Variants in EPC2 observed in about 807,000 individuals in gnomAD.
EPC2 encodes the protein enhancer of polycomb 2, also known as enhancer of polycomb homolog 2.
Under a neutral mutation model 92.1 loss-of-function variants are expected in EPC2, and 14 were observed. The ratio of observed to expected loss-of-function variants is 0.15; its 90% CI spans 0.10 to 0.24. The LOEUF (loss-of-function observed/expected upper bound fraction) is 0.24. Among genes scored for constraint, EPC2 ranks in the 10% least tolerant of loss-of-function variants. The pLI is 1.00. For missense variants in EPC2, 755 were observed against 971.5 expected (o/e 0.78, Z 2.96); for synonymous variants, 340 against 334.7 (o/e 1.02, Z -0.17).
intron 1 of EPC2, among the ~76,000 whole-genome samples, chr2:148,653,617 T>C (rs1241131791): frequency 6.6e-6 from 1 of 152,220 alleles, no homozygotes; most frequent in Admixed American, 6.5e-5. Flanking sequence ...TAAGCAGCTG[T>C]TGCTATAAAG....
chr2:148,696,387 C>A (rs1440322207), intron 2 of EPC2, among the ~76,000 whole-genome samples: 2 of 152,068 alleles, frequency 1.3e-5, no homozygotes, highest in African/African-American at 4.8e-5. Flanking sequence ...AGGAGAACGC[C>A]CCTTCAGGCT....
At chr2:148,757,947 A>G (rs1437752074) in intron 4 of EPC2, among the ~76,000 whole-genome samples, 4 of 152,214 alleles carry the variant, frequency 2.6e-5, no homozygotes, top group Admixed American at 6.5e-5. Flanking sequence ...TTCCAGGTGT[A>G]GGGCTGGAAT....
At chr2:148,726,250 T>G (rs915011674) in intron 2 of EPC2, among the ~76,000 whole-genome samples, 7 of 152,220 alleles carry the variant, frequency 4.6e-5, no homozygotes, top group African/African-American at 1.7e-4. Flanking sequence ...AATGCTGTAA[T>G]GAACATGGAT....
chr2:148,664,089 T>C (rs986054543), intron 1 of EPC2, among the ~76,000 whole-genome samples: 2 of 152,222 alleles, frequency 1.3e-5, no homozygotes, highest in Non-Finnish European at 2.9e-5. Flanking sequence ...TCTCTTACTC[T>C]TAGTATAGGC....
At chr2:148,726,694 CT>C (rs1682501632) in intron 2 of EPC2, among the ~76,000 whole-genome samples, 1 of 140,374 alleles carries the variant, frequency 7.1e-6, no homozygotes, top group Non-Finnish European at 1.5e-5. Flanking sequence ...AGACCTGTCT[CT>C]TTAGATCCTT....
At chr2:148,673,839 G>A (rs1681203543) in intron 1 of EPC2, among the ~76,000 whole-genome samples, 2 of 152,148 alleles carry the variant, frequency 1.3e-5, no homozygotes, top group Non-Finnish European at 2.9e-5. Flanking sequence ...GCTGGCCTTG[G>A]CCTCCCAAAG....
intron 4 of EPC2, among the ~76,000 whole-genome samples, chr2:148,755,635 AAC>A (rs1683175709): frequency 6.6e-6 from 1 of 152,234 alleles, no homozygotes; most frequent in Non-Finnish European, 1.5e-5. Flanking sequence ...TCAGTACAGT[AAC>A]ACACTGTACA....
At chr2:148,671,286 GATTTT>G (rs1681148270) in intron 1 of EPC2, among the ~76,000 whole-genome samples, 1 of 130,652 alleles carries the variant, frequency 7.7e-6, no homozygotes, top group East Asian at 2.4e-4. Flanking sequence ...TGTGGATTGT[GATTTT>G]TTTTTTTTTT....
At chr2:148,762,858 A>G in intron 6 of EPC2, 56 bp downstream of exon 6, 1 of 1,517,604 alleles carries the variant, frequency 6.6e-7, no homozygotes, top group Non-Finnish European at 8.8e-7. Context: ...CAGAGGAGTT[A>G]TTGATTTCTG....
intron 1 of EPC2, among the ~76,000 whole-genome samples, chr2:148,683,232 CT>C (rs1681445859): frequency 6.6e-6 from 1 of 151,866 alleles, no homozygotes; most frequent in Non-Finnish European, 1.5e-5. Flanking sequence ...CCTTAATCCC[CT>C]CTCATCCTTC....
intron 1 of EPC2, among the ~76,000 whole-genome samples, chr2:148,684,536 C>T (rs894829497): frequency 1.6e-4 from 24 of 152,174 alleles, no homozygotes; most frequent in Admixed American, 1.2e-3. Context: ...TTCTTCTACA[C>T]GTAACAGTGC....
chr2:148,771,747 A>C (rs1222854754), intron 10 of EPC2, among the ~76,000 whole-genome samples: 2 of 151,716 alleles, frequency 1.3e-5, no homozygotes, highest in Non-Finnish European at 2.9e-5. Flanking sequence ...GCTCCTTGAG[A>C]GTACCTTTGA....
chr2:148,715,429 G>C (rs1217873360), intron 2 of EPC2, among the ~76,000 whole-genome samples: 1 of 152,140 alleles, frequency 6.6e-6, no homozygotes, highest in African/African-American at 2.4e-5. Flanking sequence ...TCCAGTTTCA[G>C]TTTTCTGCAT....
At chr2:148,746,296 C>T (rs896806582) in intron 3 of EPC2, among the ~76,000 whole-genome samples, 1 of 152,064 alleles carries the variant, frequency 6.6e-6, no homozygotes, top group African/African-American at 2.4e-5. Flanking sequence ...GGATGGTCCA[C>T]AGTCCCCTCA....
At chr2:148,749,070 C>G (rs1343338636) in intron 3 of EPC2, among the ~76,000 whole-genome samples, 1 of 152,116 alleles carries the variant, frequency 6.6e-6, no homozygotes, top group East Asian at 1.9e-4. Context: ...TGTACCATAC[C>G]TTTTATAGCT....
At chr2:148,732,168 G>A (rs1291418513) in intron 2 of EPC2, among the ~76,000 whole-genome samples, 1 of 152,118 alleles carries the variant, frequency 6.6e-6, no homozygotes, top group East Asian at 1.9e-4. Context: ...GTGGGAAGGG[G>A]CAAAGAGTTC....
intron 3 of EPC2, among the ~76,000 whole-genome samples, chr2:148,744,989 G>GCCTCCCCCCCC (rs770406917): frequency 2.2e-5 from 1 of 46,296 alleles, no homozygotes; most frequent in Non-Finnish European, 4.9e-5. Flanking sequence ...CTATCAGTTT[G>GCCTCCCCCCCC]CCCCCCCCCC....
rs1173422830 is a variant in EPC2 at position 148,771,072 on chromosome 2, C to A, written c.1405C>A (p.His469Asn). The change falls in exon 10 of 14, where the codon CAT (histidine) becomes AAT (asparagine). Residue 469 changes from histidine to asparagine, a missense_variant. Transcript: ENST00000258484. ...RVIMDRISTE[H>N]DPVLKQIDPE... ...CATAATGGACCGAATATCCACAGAACATGACCCAGTCCTGAAACAGATAGA... is the reference window on the plus strand; with the variant it reads ...CATAATGGACCGAATATCCACAGAAAATGACCCAGTCCTGAAACAGATAGA... The A allele has an allele frequency of 1.2e-6, 2 of 1,610,480 alleles. No individual in the cohort carries two copies. The highest frequency in any genetic ancestry group is 1.3e-5 in the African/African-American group (1 of 74,780).
chr2:148,764,298 T>C lies in EPC2; in HGVS notation c.949-657T>C, dbSNP rs1027539538. On this transcript the variant is annotated intron_variant, in intron 6 of 13. Coordinates refer to ENST00000258484, the MANE Select transcript of EPC2 (RefSeq NM_015630.4). ...CTAGATCCCTTTTTATTAAAAGGAA[T>C]GCCAGTATGTTAAAACAGTAACAGA... 5.3e-5 allele frequency among the ~76,000 whole-genome samples: 8 copies of C among 152,186 alleles called. No homozygotes were observed. The South Asian group carries it at 1.7e-3, about 32-fold the overall frequency.
Sources: allele counts gnomAD v4.1 joint callset (sites outside exome capture counted in the v4.1 genomes callset), GRCh38; gene constraint gnomAD v4.1.1; transcripts MANE v1.5; gene names NCBI Gene and HGNC (gene_info 2026-07-23, HGNC 2026-07-21).